Variants in THSD7A observed in about 807,000 individuals in gnomAD.
The protein encoded by THSD7A is thrombospondin type 1 domain containing 7A, also known as thrombospondin type-1 domain-containing protein 7A.
Under a neutral mutation model 231.3 loss-of-function variants are expected in THSD7A, and 96 were observed. The ratio of observed to expected loss-of-function variants is 0.41; its 90% confidence interval spans 0.35 to 0.49. The LOEUF (loss-of-function observed/expected upper bound fraction) is 0.49. Ranked by LOEUF, THSD7A falls within the 20% of genes least tolerant of loss-of-function variation. THSD7A has a pLI of 0.05. For missense variants in THSD7A, 2,290 were observed against 2,070.2 expected, an observed-to-expected ratio of 1.11 and a Z score of -2.06; for synonymous variants, 940 against 743.3, an observed-to-expected ratio of 1.26 and a Z score of -4.30.
At chr7:11,460,201 T>C (rs1434974536) in intron 11 of THSD7A, among the ~76,000 whole-genome samples, 1 of 152,142 alleles carries the variant, frequency 6.6e-6, no homozygotes, top group African/African-American at 2.4e-5. Flanking sequence ...GCCATGAAAA[T>C]GAAAGAGATG....
At chr7:11,620,083 C>T (rs975776887) in intron 2 of THSD7A, among the ~76,000 whole-genome samples, 19 of 152,138 alleles carry the variant, frequency 1.2e-4, no homozygotes, top group African/African-American at 4.3e-4. Flanking sequence ...GATGAACTGT[C>T]TCAATAAAAC....
intron 11 of THSD7A, among the ~76,000 whole-genome samples, chr7:11,452,720 C>T (rs1483483031): frequency 6.6e-6 from 1 of 151,880 alleles, no homozygotes; most frequent in Non-Finnish European, 1.5e-5. Context: ...TTATGAGCTA[C>T]TATTTAAAAA....
chr7:11,538,557 C>T (rs540163901), intron 6 of THSD7A, among the ~76,000 whole-genome samples: 20 of 152,190 alleles, frequency 1.3e-4, no homozygotes, highest in Non-Finnish European at 2.2e-4. Flanking sequence ...TAAAATAGGG[C>T]GGGTTTTGGG....
intron 1 of THSD7A, among the ~76,000 whole-genome samples, chr7:11,647,839 G>A (rs529607754): frequency 1.3e-5 from 2 of 151,998 alleles, no homozygotes; most frequent in African/African-American, 2.4e-5. Flanking sequence ...GACCAGCCTC[G>A]GTGAGAAGAA....
At chr7:11,464,725 A>G (rs1352463124) in intron 9 of THSD7A, among the ~76,000 whole-genome samples, 1 of 152,068 alleles carries the variant, frequency 6.6e-6, no homozygotes, top group Non-Finnish European at 1.5e-5. Context: ...AGCCTACAGG[A>G]TAGAGATTGT....
chr7:11,775,726 A>C (rs113179823), intron 1 of THSD7A, among the ~76,000 whole-genome samples: 35 of 152,314 alleles, frequency 2.3e-4, no homozygotes, highest in African/African-American at 8.4e-4. Flanking sequence ...GTACAGTTTC[A>C]GTTTTGCAAG....
intron 1 of THSD7A, among the ~76,000 whole-genome samples, chr7:11,715,241 G>T (rs761652272): frequency 5.9e-5 from 9 of 151,414 alleles, no homozygotes; most frequent in Admixed American, 3.3e-4. Flanking sequence ...ACATTACAAT[G>T]AAGTTTCATT....
intron 1 of THSD7A, among the ~76,000 whole-genome samples, chr7:11,741,671 A>T (rs1370241826): frequency 2.6e-5 from 4 of 151,926 alleles, no homozygotes; most frequent in African/African-American, 9.7e-5. Context: ...ATATTTTTAA[A>T]TTATAAGGTT....
chr7:11,787,767 G>A (rs1223680997), intron 1 of THSD7A, among the ~76,000 whole-genome samples: 2 of 152,164 alleles, frequency 1.3e-5, no homozygotes, highest in East Asian at 3.9e-4. Context: ...AGCTGGTAAG[G>A]ACGTAAAACA....
chr7:11,424,949 CTTA>C, intron 15 of THSD7A, 120 bp from the exon 16 acceptor site: 1 of 1,200,206 alleles, frequency 8.3e-7, no homozygotes, highest in Non-Finnish European at 1.2e-6. Context: ...TCCTTTACTG[CTTA>C]TTATTCTAAC....
intron 1 of THSD7A, among the ~76,000 whole-genome samples, chr7:11,664,469 C>T (rs1206660455): frequency 1.3e-5 from 2 of 151,880 alleles, no homozygotes; most frequent in African/African-American, 2.4e-5. Flanking sequence ...AGAATAAATA[C>T]ATCACATGCT....
intron 11 of THSD7A, among the ~76,000 whole-genome samples, chr7:11,451,220 C>T (rs918077614): frequency 2.6e-5 from 4 of 151,938 alleles, no homozygotes; most frequent in Non-Finnish European, 2.9e-5. Context: ...AAGAAATACA[C>T]GAACCAAATG....
At chr7:11,745,399 G>C (rs1583250367) in intron 1 of THSD7A, among the ~76,000 whole-genome samples, 1 of 152,092 alleles carries the variant, frequency 6.6e-6, no homozygotes, top group East Asian at 1.9e-4. Context: ...TAGGTTGCTT[G>C]TTCACTCTGA....
At position 11,824,670 on chromosome 7, in the gene THSD7A, A is replaced by G. The variant is rs182699427; in HGVS notation, c.190+7087T>C. 3.9e-5 allele frequency among the ~76,000 whole-genome samples: 6 copies of G among 152,298 alleles called. No homozygotes were observed. In the East Asian group the frequency reaches 1.2e-3, roughly 29 times the overall value. ...ACTTTTTGATCCAACCAACCAATAT[A>G]GTTTTAATGAATTCTGAGCACTGAT... On this transcript the variant is annotated intron_variant, in intron 1 of 27. Transcript: ENST00000423059.
chr7:11,585,063 C>T (rs539420559), intron 4 of THSD7A, among the ~76,000 whole-genome samples: 10 of 152,268 alleles, frequency 6.6e-5, no homozygotes, highest in African/African-American at 2.4e-4. Context: ...AAGCACAGTA[C>T]TCATGTTTAT....
chr7:11,516,659 A>T (rs558265605), intron 6 of THSD7A, among the ~76,000 whole-genome samples: 87 of 152,328 alleles, frequency 5.7e-4, no homozygotes, highest in African/African-American at 1.6e-3. Context: ...AAAATTTGCT[A>T]TTTGCTAACA....
chr7:11,758,594 G>A (rs73057077), intron 1 of THSD7A, among the ~76,000 whole-genome samples: 2,087 of 152,122 alleles, frequency 0.014, 19 homozygotes, highest in Non-Finnish European at 0.021. Context: ...AGGATGCCAG[G>A]ACTCCCACAA....
chr7:11,790,376 T>C (rs1402132090), intron 1 of THSD7A, among the ~76,000 whole-genome samples: 1 of 151,924 alleles, frequency 6.6e-6, no homozygotes, highest in African/African-American at 2.4e-5. Context: ...AGATTTGCTG[T>C]GGCTTCAGAA....
At chr7:11,529,826 A>G (rs1237678594) in intron 6 of THSD7A, among the ~76,000 whole-genome samples, 1 of 152,214 alleles carries the variant, frequency 6.6e-6, no homozygotes, top group Non-Finnish European at 1.5e-5. Flanking sequence ...TAACCAAATT[A>G]AAAACAAGGC....
Sources: allele counts gnomAD v4.1 joint callset (sites outside exome capture counted in the v4.1 genomes callset), GRCh38; gene constraint gnomAD v4.1.1; transcripts MANE v1.5; gene names NCBI Gene and HGNC (gene_info 2026-07-23, HGNC 2026-07-21).